HDAC9: variants seen among roughly 807,000 people sequenced by gnomAD.
The protein encoded by HDAC9 is MEF-2 interacting transcription repressor (MITR) protein.
HDAC9 carries 41 observed loss-of-function variants against 139.4 expected under a neutral mutation model. The ratio of observed to expected loss-of-function variants is 0.29; its 90% CI spans 0.23 to 0.38. The LOEUF is 0.38. Ranked by LOEUF, HDAC9 falls within the 10% of genes least tolerant of loss-of-function variation. The pLI is 1.00. For synonymous variants in HDAC9, 517 were observed against 476.2 expected, an observed-to-expected ratio of 1.09 and a Z score of -1.12; for missense variants, 1,147 against 1,297.0, an observed-to-expected ratio of 0.88 and a Z score of 1.78.
At chr7:18,195,485 A>T (rs1790659533) in intron 2 of HDAC9, among the ~76,000 whole-genome samples, 1 of 151,510 alleles carries the variant, frequency 6.6e-6, no homozygotes. Context: ...TGTGTAGGTC[A>T]GTTTATGCTG....
intron 2 of HDAC9, among the ~76,000 whole-genome samples, chr7:18,529,610 G>A (rs894983115): frequency 1.3e-5 from 2 of 152,136 alleles, no homozygotes; most frequent in African/African-American, 4.8e-5. Context: ...ACTGATAATT[G>A]TGTGTATTTC....
At chr7:18,217,741 G>C (rs1792416889) in intron 2 of HDAC9, among the ~76,000 whole-genome samples, 1 of 152,204 alleles carries the variant, frequency 6.6e-6, no homozygotes, top group African/African-American at 2.4e-5. Flanking sequence ...TTTAAAAGCA[G>C]TACAAGTTAT....
At chr7:18,965,917 G>A (rs1201834876) in intron 24 of HDAC9, among the ~76,000 whole-genome samples, 2 of 152,162 alleles carry the variant, frequency 1.3e-5, no homozygotes, top group African/African-American at 2.4e-5. Context: ...CCTGACAGTG[G>A]CTGCTACAAT....
At chr7:18,507,585 C>G (rs1800206320) in intron 2 of HDAC9, among the ~76,000 whole-genome samples, 1 of 152,016 alleles carries the variant, frequency 6.6e-6, no homozygotes, top group Non-Finnish European at 1.5e-5. Context: ...ACCTCCGCCT[C>G]CCGGGTTCAA....
At chr7:18,195,656 C>G (rs1472245239) in intron 2 of HDAC9, among the ~76,000 whole-genome samples, 1 of 152,166 alleles carries the variant, frequency 6.6e-6, no homozygotes, top group East Asian at 1.9e-4. Flanking sequence ...CCTGCTTCTC[C>G]TCAGCCCTAC....
intron 2 of HDAC9, among the ~76,000 whole-genome samples, chr7:18,554,183 C>T (rs564767181): frequency 5.9e-5 from 9 of 151,672 alleles, no homozygotes; most frequent in Admixed American, 5.9e-4. Context: ...ACACTATATG[C>T]ATAAGAAGTG....
intron 6 of HDAC9, among the ~76,000 whole-genome samples, chr7:18,603,377 A>C (rs1221283718): frequency 2.6e-5 from 4 of 151,992 alleles, no homozygotes; most frequent in Non-Finnish European, 4.4e-5. Flanking sequence ...AAAAATATTC[A>C]CTTCTCTCTG....
At chr7:18,782,563 T>G (rs1484757811) in intron 16 of HDAC9, among the ~76,000 whole-genome samples, 1 of 152,076 alleles carries the variant, frequency 6.6e-6, no homozygotes, top group Non-Finnish European at 1.5e-5. Flanking sequence ...GAAACTACAG[T>G]TGAACTAGAT....
chr7:18,325,647 G>A (rs917957304), intron 1 of HDAC9: 14 of 151,674 alleles, frequency 9.2e-5, no homozygotes, highest in African/African-American at 1.9e-4. Flanking sequence ...ACTTCAGTTC[G>A]TGGTAAAAAT....
chr7:18,432,269 C>G (rs1013203526), intron 1 of HDAC9, among the ~76,000 whole-genome samples: 6 of 152,200 alleles, frequency 3.9e-5, no homozygotes, highest in African/African-American at 1.4e-4. Context: ...GGAAGCATTT[C>G]TTTTTAGCTC....
intron 14 of HDAC9, among the ~76,000 whole-genome samples, chr7:18,759,575 T>C (rs537157977): frequency 6.6e-6 from 1 of 152,096 alleles, no homozygotes; most frequent in Non-Finnish European, 1.5e-5. Context: ...ATTATTTCAT[T>C]ACATATTAAA....
intron 13 of HDAC9, among the ~76,000 whole-genome samples, chr7:18,741,771 T>G (rs1006236255): frequency 2.0e-5 from 3 of 152,206 alleles, no homozygotes; most frequent in Non-Finnish European, 2.9e-5. Context: ...TAGATGCCAT[T>G]AAGAACATTC....
At chr7:18,523,369 A>G (rs1805704249) in intron 2 of HDAC9, among the ~76,000 whole-genome samples, 1 of 152,236 alleles carries the variant, frequency 6.6e-6, no homozygotes, top group Non-Finnish European at 1.5e-5. Flanking sequence ...TAGGGAGAGA[A>G]TAGTAAGAGT....
intron 1 of HDAC9, among the ~76,000 whole-genome samples, chr7:18,396,892 T>G (rs920157369): frequency 6.6e-6 from 1 of 151,808 alleles, no homozygotes; most frequent in African/African-American, 2.4e-5. Context: ...CACATTTTTG[T>G]TTTTTTTGGT....
chr7:18,400,511 T>C (rs1472283548), intron 1 of HDAC9, among the ~76,000 whole-genome samples: 2 of 152,168 alleles, frequency 1.3e-5, no homozygotes, highest in Admixed American at 1.3e-4. Flanking sequence ...TTGGTTTCAC[T>C]GTGAAGTTGG....
chr7:18,509,535 G>A (rs1800818028), intron 2 of HDAC9: 1 of 770,908 alleles, frequency 1.3e-6, no homozygotes, highest in Non-Finnish European at 1.6e-6. Context: ...TTTAAATGAG[G>A]CTGCTTGTTT....
intron 1 of HDAC9, among the ~76,000 whole-genome samples, chr7:18,468,200 C>T (rs1490950456): frequency 6.6e-6 from 1 of 152,084 alleles, no homozygotes; most frequent in Non-Finnish European, 1.5e-5. Flanking sequence ...AGTCACTAAG[C>T]ACAACTCATA....
chr7:18,110,417 G>A (rs1279295355), intron 1 of HDAC9, among the ~76,000 whole-genome samples: 3 of 152,168 alleles, frequency 2.0e-5, no homozygotes, highest in Non-Finnish European at 4.4e-5. Flanking sequence ...GGATACTTAC[G>A]ATGAACCTTG....
chr7:18,221,531 C>A (rs1263822003), intron 2 of HDAC9, among the ~76,000 whole-genome samples: 3 of 152,106 alleles, frequency 2.0e-5, no homozygotes, highest in Admixed American at 6.5e-5. Flanking sequence ...TTACAGTATC[C>A]TTATAAAGCA....
Sources: allele counts gnomAD v4.1 joint callset (sites outside exome capture counted in the v4.1 genomes callset), GRCh38; gene constraint gnomAD v4.1.1; transcripts MANE v1.5; gene names NCBI Gene and HGNC (gene_info 2026-07-23, HGNC 2026-07-21).